Variants in ZNF860 observed in about 807,000 individuals in gnomAD.
ZNF860 encodes the protein zinc finger protein 860.
For missense variants in ZNF860, 641 were observed against 759.2 expected (o/e 0.84, Z 1.83); for synonymous variants, 206 against 248.9 (o/e 0.83, Z 1.62).
Position 31,991,256 on chromosome 3 carries a change from G to A in ZNF860, c.*278G>A, listed in dbSNP as rs35460795. 7,849 of 354,262 alleles carry A rather than the reference G, an allele frequency of 0.022. 214 individuals are homozygous for A. The highest frequency in any genetic ancestry group is 0.092 in the African/African-American group (4,325 of 47,054). The allele number at this position is 354,262 out of a possible 1,614,324, so 21.9% of individuals were successfully genotyped here. ...AGGTCAGGAGTTTGAGACCATCCTG[G>A]CCAAAAGACGTGAGCCACTTTTCCT... On this transcript the variant is annotated 3_prime_UTR_variant, in exon 2 of 2. Coordinates refer to ENST00000360311, the MANE Select transcript of ZNF860 (RefSeq NM_001137674.3).
the ZNF860 span, among the ~76,000 whole-genome samples, chr3:31,999,869 C>T: frequency 2.0e-5 from 3 of 152,072 alleles, no homozygotes; most frequent in Non-Finnish European, 4.4e-5. Context: ...GTCACAAAAC[C>T]GGGCCTGAAA....
chr3:31,988,801 G>A lies in ZNF860; in HGVS notation c.-279G>A, dbSNP rs1338940649. ...TTCTGAGACCTGCTAACAGCCATGT[G>A]AGTGACCTTGGAAGTAGGTTGTCAC... On this transcript the variant is annotated 5_prime_UTR_variant, in exon 2 of 2. It removes the in-frame stop codon of an upstream open reading frame in the 5' UTR. Coordinates refer to ENST00000360311, the MANE Select transcript of ZNF860 (RefSeq NM_001137674.3). 4.1e-6 allele frequency: 2 copies of A among 487,534 alleles called. No homozygotes were observed. The highest frequency in any genetic ancestry group is 7.3e-6 in the Non-Finnish European group (2 of 272,466). The allele number at this position is 487,534 out of a possible 1,614,324, so 30.2% of individuals were successfully genotyped here.
downstream of ZNF860, among the ~76,000 whole-genome samples, chr3:31,995,917 C>A (rs1699086727): frequency 6.6e-6 from 1 of 152,122 alleles, no homozygotes; most frequent in Non-Finnish European, 1.5e-5. Flanking sequence ...CATGACATCT[C>A]CCCTTCCTGA....
At chr3:31,999,727 G>T in the ZNF860 span, among the ~76,000 whole-genome samples, 1 of 152,098 alleles carries the variant, frequency 6.6e-6, no homozygotes, top group African/African-American at 2.4e-5. Flanking sequence ...AAATATGGCT[G>T]CCTCTGCTAT....
intron 1 of ZNF860, among the ~76,000 whole-genome samples, chr3:31,983,715 C>G (rs1698895023): frequency 6.6e-6 from 1 of 152,202 alleles, no homozygotes; most frequent in Admixed American, 6.5e-5. Context: ...CAAGTCACTT[C>G]TTCCAGAAAG....
chr3:31,989,721 A>G lies in ZNF860; in HGVS notation c.642A>G (p.Ser214=), dbSNP rs1698996454. The change falls in exon 2 of 2, where the codon TCA becomes TCG. Residue 214 remains serine (S), a synonymous_variant. Transcript: ENST00000360311. The stretch of plus-strand genomic sequence containing the variant: ...ACTATGAAAATAATTTCTTCCATTC[A>G]TCATTACTCACACTAAAACAGGAAG... ...SNNYENNFFH[S]SLLTLKQEVH... The G allele has an allele frequency of 6.2e-7, 1 of 1,614,042 alleles. No individual in the cohort carries two copies. Among genetic ancestry groups the G allele is most frequent in the South Asian group, 1.1e-5 (1 of 91,036 alleles).
the ZNF860 span, among the ~76,000 whole-genome samples, chr3:32,003,294 G>A: frequency 3.3e-5 from 5 of 152,224 alleles, no homozygotes; most frequent in Non-Finnish European, 7.3e-5. Context: ...AGTCATTAGC[G>A]TGGTCTTCCT....
the ZNF860 span, among the ~76,000 whole-genome samples, chr3:32,000,094 A>G: frequency 6.6e-6 from 1 of 152,096 alleles, no homozygotes; most frequent in African/African-American, 2.4e-5. Context: ...GTCAGCCTTC[A>G]TTTCCTCTGT....
At chr3:31,992,006 C>T (rs112583542), downstream of ZNF860, among the ~76,000 whole-genome samples, 1,409 of 151,996 alleles carry the variant, frequency 9.3e-3, 27 homozygotes, top group African/African-American at 0.032. Flanking sequence ...ATTAGCCAGG[C>T]GTAGTGGCAC....
Position 31,991,130 on chromosome 3 carries a change from A to T in ZNF860, c.*152A>T, listed in dbSNP as rs891156759. On this transcript the variant is annotated 3_prime_UTR_variant, in exon 2 of 2. Coordinates refer to ENST00000360311, the MANE Select transcript of ZNF860 (RefSeq NM_001137674.3). ...TGACTTGACATTGAGTTCAAGCATT[A>T]ATTGACATTAAAGTGTTTACGTTAA... The T allele has an allele frequency of 6.3e-6, 5 of 798,840 alleles. No individual in the cohort carries two copies. Among genetic ancestry groups the T allele is most frequent in the Non-Finnish European group, 1.0e-5 (5 of 501,692 alleles). 49.5% of individuals were successfully genotyped at this position (798,840 alleles called of 1,614,324 possible). A position where few individuals can be genotyped will look rare whatever the true frequency, so the allele number is the denominator to read the frequency against.
In ZNF860 at chr3:31,991,073, A is replaced by G; in HGVS notation, c.*95A>G. On this transcript the variant is annotated 3_prime_UTR_variant, in exon 2 of 2. Transcript: ENST00000360311. Reference sequence around the variant, plus strand: ...AAACCATCAAGCATTAATTGACATTAGAGTCAATTCAGCATTGACTTGAGT... The same window carrying G: ...AAACCATCAAGCATTAATTGACATTGGAGTCAATTCAGCATTGACTTGAGT... 1 of 1,207,122 alleles carries G rather than the reference A, an allele frequency of 8.3e-7. No homozygotes were observed. The highest frequency in any genetic ancestry group is 1.2e-6 in the Non-Finnish European group (1 of 860,002). The allele number at this position is 1,207,122 out of a possible 1,614,324, so 74.8% of individuals were successfully genotyped here.
chr3:32,001,873 C>G, the ZNF860 span, among the ~76,000 whole-genome samples: 12 of 152,146 alleles, frequency 7.9e-5, no homozygotes, highest in Admixed American at 1.3e-4. Context: ...TTATCCAATC[C>G]CAACTCTTGG....
chr3:31,985,757 C>T (rs1473063732), intron 1 of ZNF860, among the ~76,000 whole-genome samples: 4 of 152,182 alleles, frequency 2.6e-5, no homozygotes, highest in Admixed American at 2.6e-4. Context: ...ATGTGTTGTA[C>T]GTCCCAAATA....
At chr3:31,993,727 T>A (rs1036985226), downstream of ZNF860, among the ~76,000 whole-genome samples, 2 of 151,872 alleles carry the variant, frequency 1.3e-5, no homozygotes, top group African/African-American at 4.8e-5. Flanking sequence ...TACCAAGTGC[T>A]GGTGAGGATG....
chr3:31,988,608 C>T (rs890150437), intron 1 of ZNF860, 52 bp from the exon 2 acceptor site: 3 of 166,678 alleles, frequency 1.8e-5, no homozygotes, highest in Admixed American at 1.7e-4. Flanking sequence ...TTCACTCTCG[C>T]TCTCTCTCTC....
In ZNF860 at chr3:31,987,919, T is replaced by A. The variant is rs538415958; in HGVS notation, c.-420-741T>A. On this transcript the variant is annotated intron_variant, in intron 1 of 1. Coordinates refer to ENST00000360311, the MANE Select transcript of ZNF860 (RefSeq NM_001137674.3). The stretch of plus-strand genomic sequence containing the variant: ...GGGAAAACATAGGAAAAAATACTTA[T>A]GAACTTGGGTTAGGAAAATGGAGCA... 3.3e-5 allele frequency among the ~76,000 whole-genome samples: 5 copies of A among 152,350 alleles called. No individual in the cohort carries two copies. In the South Asian group the frequency reaches 1.0e-3, roughly 32 times the overall value.
chr3:32,000,399 T>C, the ZNF860 span, among the ~76,000 whole-genome samples: 2 of 152,200 alleles, frequency 1.3e-5, no homozygotes, highest in African/African-American at 4.8e-5. Context: ...TTCATAGCTA[T>C]ATGACCTCTC....
Position 31,989,902 on chromosome 3 carries a change from T to C in ZNF860, c.823T>C (p.Cys275Arg). Reference sequence around the variant, plus strand: ...CTTTAATCAGAAGCGATACCTTGCATGCCATCATAGATGTCACACTGGTGA... The same window carrying C: ...CTTTAATCAGAAGCGATACCTTGCACGCCATCATAGATGTCACACTGGTGA... ...KVFNQKRYLA[C>R]HHRCHTGEKP... The change falls in exon 2 of 2, where the codon TGC (cysteine) becomes CGC (arginine). Residue 275 changes from cysteine (C) to arginine (R), a missense_variant. Physicochemically the swap from Cys to Arg is radical, Grantham distance 180. Coordinates refer to ENST00000360311, the MANE Select transcript of ZNF860 (RefSeq NM_001137674.3). 1 of 1,614,170 alleles carries C rather than the reference T, an allele frequency of 6.2e-7. No homozygotes were observed. Among genetic ancestry groups the C allele is most frequent in the Non-Finnish European group, 8.5e-7 (1 of 1,180,024 alleles).
rs1293683562 is a variant in ZNF860 at position 31,989,253 on chromosome 3, G to A, written c.174G>A (p.Arg58=). 3 of 1,614,042 alleles carry A rather than the reference G, an allele frequency of 1.9e-6. No homozygotes were observed. Among genetic ancestry groups the A allele is most frequent in the East Asian group, 4.5e-5 (2 of 44,902 alleles). Residue 58 remains arginine (R), a synonymous_variant, in exon 2 of 2, where the codon AGG becomes AGA. Transcript: ENST00000360311. Reference sequence around the variant, plus strand: ...GGGCCATGATGTTGGAGAACTACAGGAACCTGCATTCTGTGGATATCTCTT... The same window carrying A: ...GGGCCATGATGTTGGAGAACTACAGAAACCTGCATTCTGTGGATATCTCTT... ...LYRAMMLENY[R]NLHSVDISSK...
Sources: allele counts gnomAD v4.1 joint callset (sites outside exome capture counted in the v4.1 genomes callset), GRCh38; gene constraint gnomAD v4.1.1; transcripts MANE v1.5; gene names NCBI Gene and HGNC (gene_info 2026-07-23, HGNC 2026-07-21).